The following FA2H variants were observed in gnomAD, a reference collection of about 807,000 sequenced individuals.
FA2H encodes the protein fatty acid 2-hydroxylase, also known as fatty acid alpha-hydroxylase.
A neutral mutation model predicts 44.9 loss-of-function variants in FA2H; 22 were observed. The ratio of observed to expected loss-of-function variants is 0.49; its 90% CI spans 0.35 to 0.70. The LOEUF is 0.70. FA2H is among the 30% of genes least tolerant of loss of function. The pLI, the probability that FA2H is intolerant of heterozygous loss-of-function variation, is 0.01. For missense variants in FA2H, 501 were observed against 504.9 expected (o/e 0.99, Z 0.07); for synonymous variants, 243 against 213.2 (o/e 1.14, Z -1.22).
chr16:74,753,398 C>T (rs1158980876), intron 1 of FA2H, among the ~76,000 whole-genome samples: 1 of 152,284 alleles, frequency 6.6e-6, no homozygotes, highest in Non-Finnish European at 1.5e-5. Context: ...TTAATAACCC[C>T]ACGAACAGCA....
chr16:74,751,715 G>A (rs974735996), intron 1 of FA2H, among the ~76,000 whole-genome samples: 4 of 152,110 alleles, frequency 2.6e-5, no homozygotes, highest in Non-Finnish European at 5.9e-5. Flanking sequence ...ATCAGATTGG[G>A]TGCCATTATC....
intron 1 of FA2H, among the ~76,000 whole-genome samples, chr16:74,758,790 A>G (rs1358774860): frequency 6.6e-6 from 1 of 152,220 alleles, no homozygotes; most frequent in Non-Finnish European, 1.5e-5. Flanking sequence ...ATTTAAAAAA[A>G]TGCAAGTGTC....
At chr16:74,752,563 G>C (rs12444462) in intron 1 of FA2H, among the ~76,000 whole-genome samples, 35,000 of 152,040 alleles carry the variant, frequency 0.23, 4,571 homozygotes, top group Non-Finnish European at 0.3. Flanking sequence ...CTATTCTATT[G>C]CATCACTTGC....
intron 3 of FA2H, 47 bp from the exon 4 acceptor site, chr16:74,726,378 G>C (rs1567637079): frequency 1.7e-6 from 2 of 1,202,452 alleles, no homozygotes; most frequent in East Asian, 2.4e-5. Flanking sequence ...ACAGGAGCTT[G>C]ACAGAGTACA....
chr16:74,718,839 G>T, intron 5 of FA2H, 149 bp downstream of exon 5: 1 of 923,436 alleles, frequency 1.1e-6, no homozygotes, highest in Non-Finnish European at 1.7e-6. Flanking sequence ...GCCCAACCCA[G>T]TTGCCCCGTG....
At chr16:74,754,007 T>C (rs1962573002) in intron 1 of FA2H, among the ~76,000 whole-genome samples, 3 of 152,238 alleles carry the variant, frequency 2.0e-5, no homozygotes, top group Admixed American at 2.0e-4. Context: ...ACTCTCTGTC[T>C]TGGAGTCATT....
At chr16:74,724,665 CTCATGCCCCCA>C (rs752460955) in intron 4 of FA2H, among the ~76,000 whole-genome samples, 24 of 152,220 alleles carry the variant, frequency 1.6e-4, no homozygotes, top group Non-Finnish European at 3.5e-4. Flanking sequence ...GACGTTATCT[CTCATGCCCCCA>C]TCACTGGCAT....
At chr16:74,774,392 G>T in intron 1 of FA2H, 94 bp downstream of exon 1, 1 of 1,249,554 alleles carries the variant, frequency 8.0e-7, no homozygotes, top group East Asian at 2.9e-5. Context: ...CTGTCACCTT[G>T]GGTCCTGCTA....
Position 74,754,584 on chromosome 16 carries a change from T to G in FA2H, c.271-14469A>C, listed in dbSNP as rs192848725. Reference sequence around the variant, plus strand: ...GCTCTGTCACACAGGCTGGAATGCATTGACGTGATCTCAGCTCACTGAGAC... The same window carrying G: ...GCTCTGTCACACAGGCTGGAATGCAGTGACGTGATCTCAGCTCACTGAGAC... On this transcript the variant is annotated intron_variant, in intron 1 of 6. Transcript: ENST00000219368. 2.5e-3 allele frequency among the ~76,000 whole-genome samples: 376 copies of G among 151,960 alleles called. 1 individual carries two copies. The highest frequency in any genetic ancestry group is 8.4e-3 in the African/African-American group (350 of 41,436).
At chr16:74,745,553 G>A (rs1238341654) in intron 1 of FA2H, among the ~76,000 whole-genome samples, 1 of 152,222 alleles carries the variant, frequency 6.6e-6, no homozygotes, top group African/African-American at 2.4e-5. Context: ...GACGGGGTCA[G>A]CAGGCACTGC....
intron 1 of FA2H, among the ~76,000 whole-genome samples, chr16:74,750,791 T>G (rs867625950): frequency 1.3e-4 from 3 of 22,580 alleles, no homozygotes; most frequent in Non-Finnish European, 3.0e-4. Flanking sequence ...GTGTGTGTGT[T>G]TAAGAGACAG....
chr16:74,737,317 T>C (rs1183053037), intron 2 of FA2H, among the ~76,000 whole-genome samples: 2 of 152,146 alleles, frequency 1.3e-5, no homozygotes, highest in Non-Finnish European at 2.9e-5. Context: ...GGGAGGGATG[T>C]GGAGGGTGAG....
intron 2 of FA2H, among the ~76,000 whole-genome samples, chr16:74,739,343 C>G (rs900329880): frequency 5.9e-5 from 9 of 152,034 alleles, no homozygotes; most frequent in Non-Finnish European, 1.2e-4. Flanking sequence ...CCAGCTCCCT[C>G]CAGTGACCCC....
chr16:74,761,881 A>T (rs1223495727), intron 1 of FA2H, among the ~76,000 whole-genome samples: 2 of 152,232 alleles, frequency 1.3e-5, no homozygotes, highest in African/African-American at 4.8e-5. Flanking sequence ...GCCAGTATTG[A>T]AAAAGGGGCA....
rs916453931 is a variant in FA2H at position 74,715,111 on chromosome 16, G to A, written c.1040-842C>T. On this transcript the variant is annotated intron_variant, in intron 6 of 6. Coordinates refer to ENST00000219368, the MANE Select transcript of FA2H (RefSeq NM_024306.5). Reference sequence around the variant, plus strand: ...TCTCGGCCTCCTCAAGTGTGTTACCGGAAAATGTTTAAGCATGTTTGGAGC... The same window carrying A: ...TCTCGGCCTCCTCAAGTGTGTTACCAGAAAATGTTTAAGCATGTTTGGAGC... 3.9e-5 allele frequency among the ~76,000 whole-genome samples: 6 copies of A among 151,936 alleles called. No homozygotes were observed. The South Asian group carries it at 6.2e-4, about 16-fold the overall frequency.
chr16:74,771,139 G>T (rs960323711), intron 1 of FA2H, among the ~76,000 whole-genome samples: 1 of 152,162 alleles, frequency 6.6e-6, no homozygotes, highest in Admixed American at 6.5e-5. Context: ...CCGCAAACCT[G>T]TCAGTCTCAA....
In FA2H at chr16:74,716,527, A is replaced by G. The variant is rs1961704866; in HGVS notation, c.859T>C (p.Cys287Arg). ...GCCTCGGGCAGGATGAGCTGCATGC[A>G]CAAGTAGAAGACGCCGATCACCAGG... is the stretch of plus-strand genomic sequence containing the variant. ...ASLVIGVFYL[C>R]MQLILPEAVG... is the part of the protein sequence containing the mutation. The change falls in exon 6 of 7, where the codon TGC (cysteine) becomes CGC (arginine). Residue 287 changes from cysteine (C) to arginine (R), a missense_variant. Coordinates refer to ENST00000219368, the MANE Select transcript of FA2H (RefSeq NM_024306.5). The G allele has an allele frequency of 1.2e-6, 2 of 1,612,490 alleles. No homozygotes were observed. Among genetic ancestry groups the G allele is most frequent in the Non-Finnish European group, 1.7e-6 (2 of 1,179,472 alleles).
chr16:74,742,780 A>C (rs1033446926), intron 1 of FA2H, among the ~76,000 whole-genome samples: 1 of 152,150 alleles, frequency 6.6e-6, no homozygotes, highest in Non-Finnish European at 1.5e-5. Context: ...TGAGGCTATG[A>C]GTGAGCTATG....
At chr16:74,732,214 T>C (rs1962084932) in intron 2 of FA2H, among the ~76,000 whole-genome samples, 2 of 152,116 alleles carry the variant, frequency 1.3e-5, no homozygotes, top group African/African-American at 2.4e-5. Context: ...GTCCCACTTT[T>C]GCATGTTACA....
Sources: gnomAD v4.1 joint callset for allele counts (sites outside exome capture counted in the v4.1 genomes callset) on GRCh38, gnomAD v4.1.1 for gene constraint, MANE v1.5 for transcripts, NCBI Gene and HGNC (gene_info 2026-07-23, HGNC 2026-07-21) for gene names.